Variants in EVI5L observed in about 807,000 individuals in gnomAD.
EVI5L encodes the protein ecotropic viral integration site 5 like.
In EVI5L, 30 loss-of-function variants were observed where a neutral mutation model predicts 106.1. The observed-to-expected ratio is 0.28, with a 90% CI of 0.21 to 0.38. EVI5L has a LOEUF of 0.38. Among genes scored for constraint, EVI5L ranks in the 10% least tolerant of loss-of-function variants. The pLI, the probability that EVI5L is intolerant of heterozygous loss-of-function variation, is 1.00. For missense variants in EVI5L, 809 were observed against 1,098.0 expected, an observed-to-expected ratio of 0.74 and a Z score of 3.72; for synonymous variants, 489 against 483.3, an observed-to-expected ratio of 1.01 and a Z score of -0.15.
At position 7,849,026 on chromosome 19, in the gene EVI5L, A is replaced by G. The variant is rs1979101417; in HGVS notation, c.433A>G (p.Lys145Glu). Residue 145 changes from lysine (K) to glutamate (E), a missense_variant, in exon 4 of 20, where the codon AAG becomes GAG. This residue lies in a region of EVI5L where 357 missense variants were observed against 588.1 expected (regional missense o/e 0.61). Coordinates refer to ENST00000538904, the MANE Select transcript of EVI5L (RefSeq NM_001159944.3). The part of the protein sequence containing the change: ...PVKNQYSELL[K>E]MSSPCEKLIR... ...CAAGAACCAGTACTCCGAGCTGCTCAAGATGTCCTCGCCGTGCGAGAAGCT... is the reference window on the plus strand; with the variant it reads ...CAAGAACCAGTACTCCGAGCTGCTCGAGATGTCCTCGCCGTGCGAGAAGCT... 3 of 1,613,676 alleles carry G rather than the reference A, an allele frequency of 1.9e-6. No individual in the cohort carries two copies. The highest frequency in any genetic ancestry group is 1.3e-5 in the African/African-American group (1 of 75,068).
At chr19:7,853,531 G>A (rs1274142113) in intron 10 of EVI5L, 198 bp downstream of exon 10, 5 of 690,870 alleles carry the variant, frequency 7.2e-6, no homozygotes, top group Non-Finnish European at 7.2e-6. Context: ...CCCGCCTGAC[G>A]CCGCGGTAAC....
chr19:7,863,055 G>A lies in EVI5L; in HGVS notation c.2031G>A (p.Glu677=). The A allele has an allele frequency of 1.9e-6, 3 of 1,562,472 alleles. No individual in the cohort carries two copies. The highest frequency in any genetic ancestry group is 2.6e-6 in the Non-Finnish European group (3 of 1,161,178). The change falls in exon 18 of 20, where the codon GAG becomes GAA. Residue 677 remains glutamate (E), a synonymous_variant. Transcript: ENST00000538904. This position sits in a 1 kb window ranked among gnomAD's most constrained non-coding sequence, Gnocchi z 7.7. ...CCGAGATGCGGCAGCGCATTGCCGA[G>A]CTGGAGATCCAGGTGATCGGCGGGG... ...AVAEMRQRIA[E]LEIQREEGRI... is the part of the protein sequence containing the mutation.
At chr19:7,836,627 CTATTTT>C (rs1479755696) in intron 1 of EVI5L, among the ~76,000 whole-genome samples, 1 of 151,928 alleles carries the variant, frequency 6.6e-6, no homozygotes, top group African/African-American at 2.4e-5. Flanking sequence ...ACAGAAATTT[CTATTTT>C]TATTTTTTTC....
chr19:7,851,794 G>T, intron 8 of EVI5L, 24 bp downstream of exon 8: 1 of 1,484,282 alleles, frequency 6.7e-7, no homozygotes. Context: ...GCCAGGGCCG[G>T]TGGGGCTGCC....
intron 1 of EVI5L, among the ~76,000 whole-genome samples, chr19:7,839,731 C>T (rs1978513953): frequency 1.3e-5 from 2 of 148,700 alleles, no homozygotes; most frequent in Admixed American, 6.8e-5. Context: ...CAAGAGCAGC[C>T]TGGGCAACAT....
chr19:7,862,849 C>T (rs1979905807), intron 17 of EVI5L, 123 bp from the exon 18 acceptor site: 2 of 633,620 alleles, frequency 3.2e-6, no homozygotes, highest in South Asian at 4.4e-5. Flanking sequence ...GCCCGCGGTC[C>T]TGCCTCCTGA....
chr19:7,847,611 A>G, intron 2 of EVI5L, 121 bp from the exon 3 acceptor site: 2 of 980,528 alleles, frequency 2.0e-6, no homozygotes, highest in South Asian at 1.6e-5. Context: ...AAAAAGAACA[A>G]GAGGGACCTA....
Position 7,857,201 on chromosome 19 carries a change from C to T in EVI5L, c.1233+77C>T, listed in dbSNP as rs543242625. The T allele has an allele frequency of 2.8e-5, 42 of 1,526,584 alleles. No individual in the cohort carries two copies. The highest frequency in any genetic ancestry group is 2.3e-4 in the South Asian group (19 of 83,552). The allele number at this position is 1,526,584 out of a possible 1,614,324, so 94.6% of individuals were successfully genotyped here. On this transcript the variant is annotated intron_variant, in intron 12 of 19. Coordinates refer to ENST00000538904, the MANE Select transcript of EVI5L (RefSeq NM_001159944.3). This position sits in a 1 kb window ranked among gnomAD's most constrained non-coding sequence, Gnocchi z 4.5. ...CACCCTGCACATGACAGCCAGTAAC[C>T]GCCTCTTCCCTGCCATTCTGCGGGC...
In EVI5L at chr19:7,863,436, A is replaced by G; in HGVS notation, c.2152A>G (p.Lys718Glu). Residue 718 changes from lysine (K) to glutamate (E), a missense_variant, in exon 20 of 20, where the codon AAG (lysine) becomes GAG (glutamate). Coordinates refer to ENST00000538904, the MANE Select transcript of EVI5L (RefSeq NM_001159944.3). The surrounding 1 kb of genome is among the most constrained non-coding windows in gnomAD (Gnocchi z 7.7). The part of the protein sequence containing the change: ...EELKAEVRLL[K>E]GPPPFEDPLA... ...TCCCCCGCCCCAGGTGCGGCTGCTGAAGGGCCCGCCGCCCTTCGAGGACCC... is the reference window on the plus strand; with the variant it reads ...TCCCCCGCCCCAGGTGCGGCTGCTGGAGGGCCCGCCGCCCTTCGAGGACCC... 6.5e-7 allele frequency: 1 copy of G among 1,546,002 alleles called. No homozygotes were observed. Among genetic ancestry groups the G allele is most frequent in the Non-Finnish European group, 8.7e-7 (1 of 1,146,114 alleles).
Position 7,864,268 on chromosome 19 carries a change from C to A in EVI5L, c.*566C>A, listed in dbSNP as rs1245297705. The A allele has an allele frequency of 6.6e-6, 1 of 152,660 alleles. No homozygotes were observed. The highest frequency in any genetic ancestry group is 1.5e-5 in the Non-Finnish European group (1 of 68,200). The allele number at this position is 152,660 out of a possible 1,614,324, so 9.5% of individuals were successfully genotyped here. A position where few individuals can be genotyped will look rare whatever the true frequency, so the allele number is the denominator to read the frequency against. Reference sequence around the variant, plus strand: ...CAGATGGCCAGGCCGGCCTCTCCTGCCTGGCGCAGGCACCGTGGCCCCTGC... The same window carrying A: ...CAGATGGCCAGGCCGGCCTCTCCTGACTGGCGCAGGCACCGTGGCCCCTGC... On this transcript the variant is annotated 3_prime_UTR_variant, in exon 20 of 20. Coordinates refer to ENST00000538904, the MANE Select transcript of EVI5L (RefSeq NM_001159944.3). This position sits in a 1 kb window ranked among gnomAD's most constrained non-coding sequence, Gnocchi z 4.5.
chr19:7,840,599 C>T (rs1365724522), intron 1 of EVI5L, among the ~76,000 whole-genome samples: 5 of 152,332 alleles, frequency 3.3e-5, no homozygotes, highest in South Asian at 2.1e-4. Context: ...AAGAAACCTA[C>T]ACCCATAAGC....
At chr19:7,841,477 G>A (rs941809036) in intron 1 of EVI5L, among the ~76,000 whole-genome samples, 7 of 151,874 alleles carry the variant, frequency 4.6e-5, no homozygotes, top group Non-Finnish European at 1.0e-4. Context: ...AAAGCCAAAC[G>A]GAAGTCGAAG....
At chr19:7,832,247 A>G (rs1300267290) in intron 1 of EVI5L, among the ~76,000 whole-genome samples, 3 of 152,180 alleles carry the variant, frequency 2.0e-5, no homozygotes, top group Non-Finnish European at 4.4e-5. Context: ...ATGAGACAAG[A>G]CAGGAGAGGA....
Position 7,858,116 on chromosome 19 carries a change from G to A in EVI5L, c.1234-75G>A. 1 of 1,505,420 alleles carries A rather than the reference G, an allele frequency of 6.6e-7. No individual in the cohort carries two copies. The highest frequency in any genetic ancestry group is 8.9e-7 in the Non-Finnish European group (1 of 1,120,718). The allele number at this position is 1,505,420 out of a possible 1,614,324, so 93.3% of individuals were successfully genotyped here. A position where few individuals can be genotyped will look rare whatever the true frequency, so the allele number is the denominator to read the frequency against. The stretch of plus-strand genomic sequence containing the variant: ...ACCTCCACTCTCTGGGCCTCCCCCT[G>A]TGGCGGGAGGCAGGGCCTTGGGTGG... On this transcript the variant is annotated intron_variant, in intron 12 of 19. Transcript: ENST00000538904. The surrounding 1 kb of genome is among the most constrained non-coding windows in gnomAD (Gnocchi z 5.7).
At position 7,835,986 on chromosome 19, in the gene EVI5L, C is replaced by T. The variant is rs1400053745; in HGVS notation, c.-48+5605C>T. Among the ~76,000 whole-genome samples the T allele has an allele frequency of 6.6e-6, 1 of 150,778 alleles. No individual in the cohort carries two copies. Among genetic ancestry groups the T allele is most frequent in the African/African-American group, 2.4e-5 (1 of 40,954 alleles). ...GCGTGGTGGCTCACACCTGTGATCT[C>T]GGTACTTTGGGAGGCCGAGGCGGGA... is the stretch of plus-strand genomic sequence containing the variant. On this transcript the variant is annotated intron_variant, in intron 1 of 19. Transcript: ENST00000538904. This position sits in a 1 kb window ranked among gnomAD's most constrained non-coding sequence, Gnocchi z 4.1.
chr19:7,856,969 C>G lies in EVI5L; in HGVS notation c.1201-123C>G. ...TCTCTGGTCTTCCCTCCTCTCTCCC[C>G]CGCTTCTAGAGATAGTCCACTGCGT... On this transcript the variant is annotated intron_variant, in intron 11 of 19. Transcript: ENST00000538904. The surrounding 1 kb of genome is among the most constrained non-coding windows in gnomAD (Gnocchi z 6.6). The G allele has an allele frequency of 9.9e-7, 1 of 1,009,988 alleles. No homozygotes were observed. The highest frequency in any genetic ancestry group is 1.6e-5 in the African/African-American group (1 of 62,892). 62.6% of individuals were successfully genotyped at this position (1,009,988 alleles called of 1,614,324 possible).
intron 14 of EVI5L, among the ~76,000 whole-genome samples, chr19:7,861,251 C>A (rs1388457348): frequency 6.6e-6 from 1 of 152,228 alleles, no homozygotes; most frequent in African/African-American, 2.4e-5. Context: ...CCATCTGCTT[C>A]CAGGCCCTCA....
intron 1 of EVI5L, among the ~76,000 whole-genome samples, chr19:7,837,200 G>A (rs973990113): frequency 1.3e-5 from 2 of 151,488 alleles, no homozygotes; most frequent in Non-Finnish European, 2.9e-5. Flanking sequence ...GCGTGGTGGT[G>A]CGCACCTGTA....
chr19:7,831,253 A>G (rs1213431016), intron 1 of EVI5L, among the ~76,000 whole-genome samples: 1 of 150,950 alleles, frequency 6.6e-6, no homozygotes, highest in Non-Finnish European at 1.5e-5. Context: ...ACACACACAC[A>G]CACACACACA....
Sources: gnomAD v4.1 joint callset for allele counts (sites outside exome capture counted in the v4.1 genomes callset) on GRCh38, gnomAD v4.1.1 for gene constraint, gnomAD v4.1.1 regional missense constraint, Gnocchi (gnomAD v3.1) non-coding constraint, MANE v1.5 for transcripts, NCBI Gene and HGNC (gene_info 2026-07-23, HGNC 2026-07-21) for gene names.